Variants in UCMA observed in about 807,000 individuals in gnomAD.
UCMA encodes upper zone of growth plate and cartilage matrix-associated protein.
In UCMA, 21 loss-of-function variants were observed where a neutral mutation model predicts 21.8. The ratio of observed to expected loss-of-function variants is 0.97; its 90% CI spans 0.68 to 1.39. The LOEUF (loss-of-function observed/expected upper bound fraction) is 1.39. UCMA is among the 40% of genes most tolerant of loss of function. The pLI is 0.00. For synonymous variants in UCMA, 76 were observed against 67.9 expected (o/e 1.12, Z -0.58); for missense variants, 193 against 178.9 (o/e 1.08, Z -0.45).
intron 3 of UCMA, 90 bp downstream of exon 3, chr10:13,233,448 G>T: frequency 9.4e-7 from 1 of 1,066,578 alleles, no homozygotes; most frequent in Non-Finnish European, 1.4e-6. Flanking sequence ...GCTGCATCCT[G>T]CTGCCCGGCT....
intron 4 of UCMA, among the ~76,000 whole-genome samples, chr10:13,227,151 G>A (rs1245178594): frequency 2.0e-5 from 3 of 152,138 alleles, no homozygotes; most frequent in South Asian, 2.1e-4. Flanking sequence ...CCCAGCACCT[G>A]TTTGCAGGCC....
At position 13,233,726 on chromosome 10, in the gene UCMA, TGCACTCACCTTCACTCGCC is replaced by T. The variant is rs745586818; in HGVS notation, c.114_124+8del. The T allele has an allele frequency of 6.2e-7, 1 of 1,614,050 alleles. No individual in the cohort carries two copies. The highest frequency in any genetic ancestry group is 1.1e-5 in the South Asian group (1 of 91,070). ...CCTGCCCTGCCCCGTGGGTGGCCCC[TGCACTCACCTTCACTCGCC>T]TCTTCTCCCGCCATCTGCATGGTGC... On this transcript the variant is annotated splice_donor_variant and splice_donor_5th_base_variant and coding_sequence_variant and intron_variant, in exon 2 of 5. Coordinates refer to ENST00000378681, the MANE Select transcript of UCMA (RefSeq NM_145314.3). LOFTEE classifies it high-confidence loss of function.
At chr10:13,231,821 G>C (rs1403252049) in intron 3 of UCMA, among the ~76,000 whole-genome samples, 4 of 152,178 alleles carry the variant, frequency 2.6e-5, no homozygotes, top group Admixed American at 6.5e-5. Context: ...AGAGATGTCA[G>C]ATGCCTGTCT....
At chr10:13,232,748 A>G (rs1834915332) in intron 3 of UCMA, among the ~76,000 whole-genome samples, 1 of 152,130 alleles carries the variant, frequency 6.6e-6, no homozygotes, top group African/African-American at 2.4e-5. Flanking sequence ...CGAGGAGGAA[A>G]GACTCAAGCC....
rs1416651061 is a variant in UCMA at position 13,229,700 on chromosome 10, C to A, written c.230G>T (p.Arg77Met). Residue 77 changes from arginine (R) to methionine (M), a missense_variant, in exon 4 of 5, where the codon AGG (arginine) becomes ATG (methionine). Physicochemically the swap from Arg to Met is moderately conservative, Grantham distance 91. Transcript: ENST00000378681. ...CAGCTCATCAACCCGAAGCTTCTGC[C>A]TGTTTTCCACTGTGAAAGGAAAAGA... is the stretch of plus-strand genomic sequence containing the variant. ...KSRDEVNVEN[R>M]QKLRVDELRR... is the part of the protein sequence containing the mutation. 6.8e-6 allele frequency: 11 copies of A among 1,613,922 alleles called. No homozygotes were observed. The highest frequency in any genetic ancestry group is 9.3e-6 in the Non-Finnish European group (11 of 1,179,982).
intron 4 of UCMA, 51 bp from the exon 5 acceptor site, chr10:13,222,251 C>A: frequency 2.0e-6 from 3 of 1,534,398 alleles, no homozygotes; most frequent in Non-Finnish European, 9.0e-7. Context: ...CTCTGACCTG[C>A]CACTGAGCCC....
chr10:13,233,608 C>G lies in UCMA; in HGVS notation c.150G>C (p.Gln50His). ...TGAGGAAATTCGAGGCATCTGATTC[C>G]TGCATGAAAATCTTCTGTTTTGCAT... ...SEDAKQKIFM[Q>H]ESDASNFLKR... Residue 50 changes from glutamine (Q) to histidine (H), a missense_variant, in exon 3 of 5, where the codon CAG becomes CAC. Coordinates refer to ENST00000378681, the MANE Select transcript of UCMA (RefSeq NM_145314.3). 6.2e-7 allele frequency: 1 copy of G among 1,614,150 alleles called. No homozygotes were observed. The highest frequency in any genetic ancestry group is 8.5e-7 in the Non-Finnish European group (1 of 1,180,038).
intron 4 of UCMA, among the ~76,000 whole-genome samples, chr10:13,227,120 T>A (rs1255953657): frequency 6.6e-6 from 1 of 151,840 alleles, no homozygotes; most frequent in Non-Finnish European, 1.5e-5. Context: ...CCTAAGAAAG[T>A]TTGATTTGCC....
chr10:13,231,480 T>A (rs1672760104), intron 3 of UCMA, among the ~76,000 whole-genome samples: 1 of 152,170 alleles, frequency 6.6e-6, no homozygotes, highest in Admixed American at 6.5e-5. Flanking sequence ...TGGGTCCTGA[T>A]GTTGCTCCAA....
At position 13,229,593 on chromosome 10, in the gene UCMA, T is replaced by C; in HGVS notation, c.319+18A>G. The C allele has an allele frequency of 6.2e-7, 1 of 1,610,104 alleles. No individual in the cohort carries two copies. Among genetic ancestry groups the C allele is most frequent in the Non-Finnish European group, 8.5e-7 (1 of 1,176,806 alleles). Reference sequence around the variant, plus strand: ...CAACGCTCCACCTCCCTGAAGACACTGGCTGAAGAGCTCTTACCATCGTTT... The same window carrying C: ...CAACGCTCCACCTCCCTGAAGACACCGGCTGAAGAGCTCTTACCATCGTTT... On this transcript the variant is annotated intron_variant, in intron 4 of 4. Transcript: ENST00000378681.
At chr10:13,223,709 G>A (rs1234140767) in intron 4 of UCMA, among the ~76,000 whole-genome samples, 6 of 151,916 alleles carry the variant, frequency 3.9e-5, no homozygotes, top group East Asian at 1.9e-4. Context: ...ATGCCACCAC[G>A]CCCGCCTAAT....
At chr10:13,222,752 G>A (rs571686884) in intron 4 of UCMA, among the ~76,000 whole-genome samples, 11 of 151,838 alleles carry the variant, frequency 7.2e-5, no homozygotes, top group Middle Eastern at 6.8e-3. Context: ...GTGCAGTGGC[G>A]TGATCATGAC....
rs543411408 is a variant in UCMA, at chr10:13,223,873, GA to G, written c.320-1674del. 2.2e-4 allele frequency among the ~76,000 whole-genome samples: 26 copies of G among 119,596 alleles called. No individual in the cohort carries two copies. The South Asian group carries it at 6.9e-3, about 32-fold the overall frequency. 78.5% of individuals were successfully genotyped at this position (119,596 alleles called of 152,430 possible). ...AGCCTAGAATGGGCAAATTTACAGA[GA>G]CAAAAAAAAAAAGAGGTTGCCAGAG... On this transcript the variant is annotated intron_variant, in intron 4 of 4. Coordinates refer to ENST00000378681, the MANE Select transcript of UCMA (RefSeq NM_145314.3).
intron 4 of UCMA, among the ~76,000 whole-genome samples, chr10:13,226,615 G>A (rs963820238): frequency 4.6e-5 from 7 of 152,144 alleles, no homozygotes; most frequent in Non-Finnish European, 8.8e-5. Flanking sequence ...GTAAGCCATG[G>A]TGCCCAGCCT....
chr10:13,223,928 C>T (rs942618751), intron 4 of UCMA, among the ~76,000 whole-genome samples: 4 of 151,690 alleles, frequency 2.6e-5, no homozygotes, highest in African/African-American at 7.3e-5. Context: ...TGGCGAGTTA[C>T]TGCTTTATGA....
chr10:13,230,089 G>A (rs1834878599), intron 3 of UCMA, among the ~76,000 whole-genome samples: 1 of 152,152 alleles, frequency 6.6e-6, no homozygotes, highest in Non-Finnish European at 1.5e-5. Flanking sequence ...ACATTTTCGA[G>A]CTCTTATCAC....
chr10:13,227,971 T>A (rs1206040803), intron 4 of UCMA, among the ~76,000 whole-genome samples: 1 of 151,720 alleles, frequency 6.6e-6, no homozygotes, highest in Non-Finnish European at 1.5e-5. Context: ...CAGCACTTTC[T>A]AAGAGCAGAC....
At chr10:13,225,308 G>A (rs1258765060) in intron 4 of UCMA, among the ~76,000 whole-genome samples, 2 of 151,724 alleles carry the variant, frequency 1.3e-5, no homozygotes, top group South Asian at 4.2e-4. Flanking sequence ...TGTAGTCCCA[G>A]TGGGCATTCC....
rs188444496 is a variant in UCMA, at chr10:13,223,921, C to T, written c.320-1721G>A. Among the ~76,000 whole-genome samples the T allele has an allele frequency of 1.4e-3, 204 of 151,020 alleles. 1 individual carries two copies. In the Middle Eastern group the frequency reaches 0.014, roughly 10 times the overall value. Reference sequence around the variant, plus strand: ...AGAGGCTTCCAGGAGGGAGGAATGGCGAGTTACTGCTTTATGAATGCAGTT... The same window carrying T: ...AGAGGCTTCCAGGAGGGAGGAATGGTGAGTTACTGCTTTATGAATGCAGTT... On this transcript the variant is annotated intron_variant, in intron 4 of 4. Coordinates refer to ENST00000378681, the MANE Select transcript of UCMA (RefSeq NM_145314.3).
Sources: gnomAD v4.1 joint callset for allele counts (sites outside exome capture counted in the v4.1 genomes callset) on GRCh38, gnomAD v4.1.1 for gene constraint, MANE v1.5 for transcripts, NCBI Gene and HGNC (gene_info 2026-07-23, HGNC 2026-07-21) for gene names.